Variants in GABRG3 observed in about 807,000 individuals in gnomAD.
GABRG3 encodes gamma-aminobutyric acid type A receptor subunit gamma3.
A neutral mutation model predicts 48.8 loss-of-function variants in GABRG3; 25 were observed. The ratio of observed to expected loss-of-function variants is 0.51; its 90% CI spans 0.37 to 0.72. The LOEUF is 0.72. Ranked by LOEUF, GABRG3 falls within the 30% of genes least tolerant of loss-of-function variation. The pLI is 0.00. For missense variants in GABRG3, 394 were observed against 577.9 expected, an observed-to-expected ratio of 0.68 and a Z score of 3.26; for synonymous variants, 227 against 217.6, an observed-to-expected ratio of 1.04 and a Z score of -0.38.
intron 5 of GABRG3, among the ~76,000 whole-genome samples, chr15:27,464,586 A>T (rs1193723709): frequency 6.6e-6 from 1 of 152,168 alleles, no homozygotes; most frequent in African/African-American, 2.4e-5. Context: ...TCCCACCAGC[A>T]CGGTATGAGG....
intron 5 of GABRG3, among the ~76,000 whole-genome samples, chr15:27,377,646 A>G (rs1895641028): frequency 6.6e-6 from 1 of 152,156 alleles, no homozygotes; most frequent in South Asian, 2.1e-4. Flanking sequence ...CCCATGATTC[A>G]ACTACCTCCC....
intron 3 of GABRG3, among the ~76,000 whole-genome samples, chr15:27,295,568 A>G (rs1891954361): frequency 6.6e-6 from 1 of 152,150 alleles, no homozygotes; most frequent in Admixed American, 6.5e-5. Context: ...AAAATTCACC[A>G]TGGGTAGCCA....
At position 27,180,412 on chromosome 15, in the gene GABRG3, C is replaced by T. The variant is rs1163830243; in HGVS notation, c.271-146397C>T. 6.6e-6 allele frequency among the ~76,000 whole-genome samples: 1 copy of T among 152,154 alleles called. No individual in the cohort carries two copies. The highest frequency in any genetic ancestry group is 1.5e-5 in the Non-Finnish European group (1 of 68,036). On this transcript the variant is annotated intron_variant, in intron 3 of 9. Coordinates refer to ENST00000615808, the MANE Select transcript of GABRG3 (RefSeq NM_033223.5). The surrounding 1 kb of genome is among the most constrained non-coding windows in gnomAD (Gnocchi z 4.2). The stretch of plus-strand genomic sequence containing the variant: ...TGCTTTGAGGCAGTGCATTTGCATC[C>T]TGAGGTCACGTTGTGCATCCATTGT...
intron 3 of GABRG3, among the ~76,000 whole-genome samples, chr15:27,066,965 G>A (rs1896748095): frequency 6.6e-6 from 1 of 152,216 alleles, no homozygotes; most frequent in Admixed American, 6.5e-5. Context: ...AGGACTTTGA[G>A]GGGCATGGTG....
intron 3 of GABRG3, among the ~76,000 whole-genome samples, chr15:27,092,567 C>G (rs1046962299): frequency 4.6e-5 from 7 of 152,186 alleles, no homozygotes; most frequent in African/African-American, 1.7e-4. Flanking sequence ...TCTGGAGGCT[C>G]TGTGTCGTGT....
chr15:27,174,622 C>G (rs1344340690), intron 3 of GABRG3, among the ~76,000 whole-genome samples: 2 of 151,106 alleles, frequency 1.3e-5, no homozygotes, highest in African/African-American at 4.9e-5. Flanking sequence ...CTCTCTCACT[C>G]TCACATCTTG....
intron 3 of GABRG3, among the ~76,000 whole-genome samples, chr15:27,213,411 A>T (rs1252901767): frequency 6.6e-6 from 1 of 152,226 alleles, no homozygotes; most frequent in Non-Finnish European, 1.5e-5. Context: ...TTGGCTTCCT[A>T]GGCACAAAAG....
chr15:27,230,126 T>C (rs926614100), intron 3 of GABRG3, among the ~76,000 whole-genome samples: 9 of 152,336 alleles, frequency 5.9e-5, no homozygotes, highest in African/African-American at 2.2e-4. Context: ...TGGTTAGCTA[T>C]ATTCCTAGGT....
intron 3 of GABRG3, among the ~76,000 whole-genome samples, chr15:27,042,461 G>A (rs971274215): frequency 7.2e-5 from 11 of 152,198 alleles, no homozygotes; most frequent in Admixed American, 2.0e-4. Context: ...ACGGGCCAAG[G>A]GGCCTGGCGG....
intron 3 of GABRG3, among the ~76,000 whole-genome samples, chr15:27,283,317 A>G (rs1891498227): frequency 1.3e-5 from 2 of 152,114 alleles, no homozygotes; most frequent in African/African-American, 4.8e-5. Context: ...AAAGTTGTCT[A>G]TCTTGGCCGG....
chr15:27,320,089 G>T (rs1413308187), intron 3 of GABRG3, among the ~76,000 whole-genome samples: 1 of 152,134 alleles, frequency 6.6e-6, no homozygotes, highest in Non-Finnish European at 1.5e-5. Context: ...TTACCATAGA[G>T]CCTGTAAAGG....
chr15:27,279,930 T>A (rs1053088916), intron 3 of GABRG3, among the ~76,000 whole-genome samples: 2 of 152,126 alleles, frequency 1.3e-5, no homozygotes, highest in African/African-American at 4.8e-5. Flanking sequence ...AAAATTCGTG[T>A]TTTTTACTTT....
At chr15:27,422,789 T>G (rs1317650523) in intron 5 of GABRG3, among the ~76,000 whole-genome samples, 1 of 152,084 alleles carries the variant, frequency 6.6e-6, no homozygotes, top group African/African-American at 2.4e-5. Flanking sequence ...TGTTTGAGGG[T>G]CTCAAGACCA....
chr15:27,056,861 A>G (rs552220268), intron 3 of GABRG3, among the ~76,000 whole-genome samples: 3 of 152,298 alleles, frequency 2.0e-5, no homozygotes, highest in African/African-American at 7.2e-5. Context: ...ATTTCTCTTG[A>G]GACCCAAGAC....
At chr15:27,136,662 T>A (rs555534958) in intron 3 of GABRG3, among the ~76,000 whole-genome samples, 3 of 152,288 alleles carry the variant, frequency 2.0e-5, no homozygotes, top group South Asian at 2.1e-4. Context: ...AACTTTTTTT[T>A]AAGAATAAAA....
intron 3 of GABRG3, among the ~76,000 whole-genome samples, chr15:27,092,558 C>T (rs949589331): frequency 1.3e-5 from 2 of 152,210 alleles, no homozygotes; most frequent in African/African-American, 4.8e-5. Flanking sequence ...AGCGGATGCT[C>T]TGGAGGCTCT....
At position 27,326,985 on chromosome 15, in the gene GABRG3, G is replaced by C. The variant is rs370360656; in HGVS notation, c.447G>C (p.Gln149His). 4.3e-6 allele frequency: 7 copies of C among 1,613,876 alleles called. No individual in the cohort carries two copies. Residue 149 changes from glutamine (Q) to histidine (H), a missense_variant, in exon 4 of 10, where the codon CAG becomes CAC. Physicochemically the swap from Gln to His is conservative, Grantham distance 24. This residue lies in a region of GABRG3 where 218 missense variants were observed against 309.9 expected (regional missense o/e 0.70). Coordinates refer to ENST00000615808, the MANE Select transcript of GABRG3 (RefSeq NM_033223.5). ...AEAHWITTPN[Q>H]LLRIWNDGKI... ...CTCACTGGATCACCACACCCAATCA[G>C]CTCCTCCGGATTTGGAATGACGGGA...
intron 3 of GABRG3, among the ~76,000 whole-genome samples, chr15:27,268,792 T>C (rs919864942): frequency 1.8e-4 from 28 of 152,318 alleles, no homozygotes; most frequent in African/African-American, 6.7e-4. Flanking sequence ...TCTACCCAAC[T>C]TGGCCTTCCC....
intron 2 of GABRG3, among the ~76,000 whole-genome samples, chr15:27,003,661 T>C (rs1314039933): frequency 6.6e-6 from 1 of 152,196 alleles, no homozygotes; most frequent in Non-Finnish European, 1.5e-5. Flanking sequence ...TTTCTCAATC[T>C]TTTCCCCACC....
Sources: allele counts gnomAD v4.1 joint callset (sites outside exome capture counted in the v4.1 genomes callset), GRCh38; gene constraint gnomAD v4.1.1; regional missense constraint gnomAD v4.1.1; non-coding constraint Gnocchi (gnomAD v3.1); transcripts MANE v1.5; gene names NCBI Gene and HGNC (gene_info 2026-07-23, HGNC 2026-07-21).